ADAMTSL1: variants seen among roughly 807,000 people sequenced by gnomAD.
ADAMTSL1 encodes the protein ADAMTS-like protein 1.
Under a neutral mutation model 201.8 loss-of-function variants are expected in ADAMTSL1, and 126 were observed. The observed-to-expected ratio is 0.62, with a 90% CI of 0.54 to 0.72. The LOEUF is 0.72. ADAMTSL1 is among the 30% of genes least tolerant of loss of function. ADAMTSL1 has a pLI of 0.00. For synonymous variants in ADAMTSL1, 1,121 were observed against 903.4 expected (o/e 1.24, Z -4.32); for missense variants, 2,679 against 2,277.8 (o/e 1.18, Z -3.59).
At chr9:18,278,285 T>G (rs1041420258) in intron 2 of ADAMTSL1, among the ~76,000 whole-genome samples, 3 of 152,190 alleles carry the variant, frequency 2.0e-5, no homozygotes, top group African/African-American at 7.2e-5. Context: ...TAAGTAGCAT[T>G]GTTTCGTTTT....
chr9:18,150,679 T>C (rs569801423), intron 1 of ADAMTSL1, among the ~76,000 whole-genome samples: 1 of 151,784 alleles, frequency 6.6e-6, no homozygotes, highest in African/African-American at 2.4e-5. Flanking sequence ...AAAGAATCAA[T>C]GGGAGGGAAA....
At chr9:18,638,381 C>T (rs1046778830) in intron 6 of ADAMTSL1, among the ~76,000 whole-genome samples, 5 of 152,082 alleles carry the variant, frequency 3.3e-5, no homozygotes, top group African/African-American at 9.7e-5. Flanking sequence ...CAAAACCAAA[C>T]GTTCTTGTCA....
intron 2 of ADAMTSL1, among the ~76,000 whole-genome samples, chr9:18,253,617 C>T (rs1208805994): frequency 6.6e-6 from 1 of 152,128 alleles, no homozygotes; most frequent in Non-Finnish European, 1.5e-5. Flanking sequence ...GCTCTGTGGG[C>T]AAAGTCAGGG....
At chr9:18,631,957 C>G (rs1015927627) in intron 5 of ADAMTSL1, among the ~76,000 whole-genome samples, 2 of 152,114 alleles carry the variant, frequency 1.3e-5, no homozygotes, top group African/African-American at 2.4e-5. Flanking sequence ...AGACTGGCAT[C>G]ATGGTTCAGT....
intron 13 of ADAMTSL1, among the ~76,000 whole-genome samples, chr9:18,685,421 A>T (rs1377966667): frequency 6.6e-6 from 1 of 152,238 alleles, no homozygotes; most frequent in Non-Finnish European, 1.5e-5. Flanking sequence ...TAAGTGGATG[A>T]TTGATAAGTT....
chr9:17,911,030 C>T lies in ADAMTSL1; in HGVS notation c.87+4108C>T, dbSNP rs1224571185. ...TGTGCAGTCAAGAGCTTTTGCTACC[C>T]AAATGGAATGATGTTTGAGCTATAT... On this transcript the variant is annotated intron_variant, in intron 1 of 29. Coordinates refer to the ADAMTSL1 transcript ENST00000680146. 1.2e-4 allele frequency among the ~76,000 whole-genome samples: 8 copies of T among 68,412 alleles called. 1 individual carries two copies. Among genetic ancestry groups the T allele is most frequent in the African/African-American group, 2.4e-4 (8 of 33,952 alleles). 44.9% of individuals were successfully genotyped at this position (68,412 alleles called of 152,430 possible).
intron 23 of ADAMTSL1, among the ~76,000 whole-genome samples, chr9:18,870,077 A>G (rs920996616): frequency 6.6e-6 from 1 of 152,078 alleles, no homozygotes; most frequent in African/African-American, 2.4e-5. Context: ...AAGCTCTAGA[A>G]GTTTTTATAG....
Position 18,524,673 on chromosome 9 carries a change from G to A in ADAMTSL1, c.192-8574G>A, listed in dbSNP as rs1404228378. Among the ~76,000 whole-genome samples, 9 of 152,082 alleles carry A rather than the reference G, an allele frequency of 5.9e-5. No homozygotes were observed. In the East Asian group the frequency reaches 1.7e-3, roughly 29 times the overall value. On this transcript the variant is annotated intron_variant, in intron 2 of 28. Transcript: ENST00000380548. The stretch of plus-strand genomic sequence containing the variant: ...GAAGGGGTGTTGAATTTTATTGAAG[G>A]CCTTTTCTGCATCTATTGAGATAAT...
chr9:18,492,801 A>G (rs778942751), intron 1 of ADAMTSL1, among the ~76,000 whole-genome samples: 1 of 152,246 alleles, frequency 6.6e-6, no homozygotes, highest in African/African-American at 2.4e-5. Flanking sequence ...GGAAGTGACT[A>G]ATCTGAGGCA....
chr9:18,074,471 GTTTTCTTTTCTTTTCTTTTC>G (rs66552520), intron 1 of ADAMTSL1, among the ~76,000 whole-genome samples: 17 of 126,936 alleles, frequency 1.3e-4, no homozygotes, highest in East Asian at 1.3e-3. Flanking sequence ...ACCACACTGT[GTTTTCTTTTCTTTTCTTTTC>G]TTTTCTTTTC....
At chr9:18,200,195 A>G (rs566567214) in intron 2 of ADAMTSL1, among the ~76,000 whole-genome samples, 1 of 152,052 alleles carries the variant, frequency 6.6e-6, no homozygotes, top group Non-Finnish European at 1.5e-5. Context: ...GCATTTCGGG[A>G]GGCTGAAGCT....
At chr9:18,645,159 T>C (rs1331226992) in intron 7 of ADAMTSL1, among the ~76,000 whole-genome samples, 3 of 152,228 alleles carry the variant, frequency 2.0e-5, no homozygotes, top group Non-Finnish European at 2.9e-5. Flanking sequence ...CATTTTTTCA[T>C]GTGTCTTTTG....
intron 23 of ADAMTSL1, among the ~76,000 whole-genome samples, chr9:18,847,137 G>T (rs796434984): frequency 1.1e-4 from 16 of 152,320 alleles, no homozygotes; most frequent in African/African-American, 3.8e-4. Flanking sequence ...CAGCTCAGAA[G>T]TGTTAGGACA....
intron 2 of ADAMTSL1, among the ~76,000 whole-genome samples, chr9:18,388,691 G>T (rs1024626365): frequency 6.6e-6 from 1 of 150,638 alleles, no homozygotes; most frequent in Non-Finnish European, 1.5e-5. Context: ...CCTCTCTACT[G>T]GTTTGGAATT....
At chr9:18,624,447 T>C (rs558474571) in intron 5 of ADAMTSL1, among the ~76,000 whole-genome samples, 1 of 152,284 alleles carries the variant, frequency 6.6e-6, no homozygotes, top group Non-Finnish European at 1.5e-5. Context: ...GCTAAAAGAA[T>C]TAAAATCCTC....
intron 1 of ADAMTSL1, among the ~76,000 whole-genome samples, chr9:18,114,952 C>T (rs925766445): frequency 4.6e-5 from 7 of 152,084 alleles, no homozygotes; most frequent in African/African-American, 1.7e-4. Context: ...CGACTTTCTC[C>T]GTAAGGGACT....
Position 18,527,116 on chromosome 9 carries a change from G to A in ADAMTSL1, c.192-6131G>A, listed in dbSNP as rs58417061. 6.0e-3 allele frequency among the ~76,000 whole-genome samples: 920 copies of A among 152,204 alleles called. 8 individuals are homozygous for A. The highest frequency in any genetic ancestry group is 0.043 in the East Asian group (220 of 5,174). On this transcript the variant is annotated intron_variant, in intron 2 of 28. Coordinates refer to ENST00000380548, the MANE Select transcript of ADAMTSL1 (RefSeq NM_001040272.6). ...CAGGCTGGGTAACAGAATGAGATGA[G>A]ATGCTGTCTCAAAAAAGCAAAAGCA...
chr9:18,060,086 A>T (rs1415687499), intron 1 of ADAMTSL1, among the ~76,000 whole-genome samples: 1 of 152,162 alleles, frequency 6.6e-6, no homozygotes, highest in East Asian at 1.9e-4. Context: ...GTTGTGACTT[A>T]CCTATCCTTC....
At chr9:17,987,525 G>A (rs1204853728) in intron 1 of ADAMTSL1, among the ~76,000 whole-genome samples, 3 of 151,818 alleles carry the variant, frequency 2.0e-5, no homozygotes, top group South Asian at 2.1e-4. Context: ...TATTTAGATC[G>A]TTTTGGACTT....
Sources: gnomAD v4.1 joint callset for allele counts (sites outside exome capture counted in the v4.1 genomes callset) on GRCh38, gnomAD v4.1.1 for gene constraint, MANE v1.5 for transcripts, NCBI Gene and HGNC (gene_info 2026-07-23, HGNC 2026-07-21) for gene names.